SHISA9: variants seen among roughly 807,000 people sequenced by gnomAD.
The protein encoded by SHISA9 is shisa family member 9.
SHISA9 carries 13 observed loss-of-function variants against 38.0 expected under a neutral mutation model. The ratio of observed to expected loss-of-function variants is 0.34; its 90% CI spans 0.22 to 0.54. The LOEUF is 0.54. Among genes scored for constraint, SHISA9 ranks in the 20% least tolerant of loss-of-function variants. SHISA9 has a pLI of 0.91. For synonymous variants in SHISA9, 275 were observed against 242.0 expected, an observed-to-expected ratio of 1.14 and a Z score of -1.27; for missense variants, 538 against 575.8, an observed-to-expected ratio of 0.93 and a Z score of 0.67.
the SHISA9 span, among the ~76,000 whole-genome samples, chr16:13,520,065 A>AGCAAGAGCCATATCT: frequency 7.9e-5 from 12 of 152,192 alleles, no homozygotes; most frequent in African/African-American, 2.9e-4. Context: ...TGAGAACCAC[A>AGCAAGAGCCATATCT]GCAAGAGCCA....
At chr16:13,477,211 G>A in the SHISA9 span, among the ~76,000 whole-genome samples, 50 of 152,242 alleles carry the variant, frequency 3.3e-4, no homozygotes, top group Non-Finnish European at 3.7e-4. Context: ...TTGTCTAGTT[G>A]GAAAATATAA....
chr16:13,018,987 C>T (rs2072789566), intron 2 of SHISA9, among the ~76,000 whole-genome samples: 1 of 152,134 alleles, frequency 6.6e-6, no homozygotes, highest in Admixed American at 6.5e-5. Context: ...CCTTAAGTAA[C>T]AGAAATGTAT....
chr16:13,013,051 A>C (rs1319947114), intron 2 of SHISA9, among the ~76,000 whole-genome samples: 2 of 152,064 alleles, frequency 1.3e-5, no homozygotes, highest in East Asian at 3.9e-4. Context: ...TTCCTTTCTG[A>C]AGCTATTATT....
chr16:13,047,743 G>C (rs533214777), intron 2 of SHISA9, among the ~76,000 whole-genome samples: 14 of 152,100 alleles, frequency 9.2e-5, no homozygotes, highest in African/African-American at 3.1e-4. Flanking sequence ...TATCTCACTC[G>C]AGGCTCACAC....
At chr16:13,051,770 A>AT (rs35696205) in intron 2 of SHISA9, among the ~76,000 whole-genome samples, 15,776 of 145,658 alleles carry the variant, frequency 0.11, 1,889 homozygotes, top group African/African-American at 0.29. Context: ...TAAAATTTAC[A>AT]TTTTTTTTTT....
At chr16:12,989,585 A>G (rs1415152808) in intron 2 of SHISA9, among the ~76,000 whole-genome samples, 1 of 152,042 alleles carries the variant, frequency 6.6e-6, no homozygotes, top group Admixed American at 6.5e-5. Context: ...GGACTGAGCC[A>G]CCACTCCTGG....
chr16:13,414,649 TC>T, the SHISA9 span, among the ~76,000 whole-genome samples: 3 of 148,344 alleles, frequency 2.0e-5, 1 homozygote, highest in Admixed American at 1.4e-4. Flanking sequence ...TTTCTTTCTT[TC>T]TTTTTTTTTT....
chr16:12,926,223 C>T (rs1000813729), intron 2 of SHISA9, among the ~76,000 whole-genome samples: 4 of 152,148 alleles, frequency 2.6e-5, no homozygotes, highest in African/African-American at 9.7e-5. Context: ...TATGACCTTT[C>T]TCATGCCTTT....
intron 2 of SHISA9, among the ~76,000 whole-genome samples, chr16:13,073,222 C>CTTT (rs1245456928): frequency 1.2e-4 from 16 of 137,854 alleles, no homozygotes; most frequent in South Asian, 2.2e-4. Flanking sequence ...CTCTCTCTCT[C>CTTT]TTTTTTTTTT....
At chr16:12,960,251 G>A (rs2071891443) in intron 2 of SHISA9, among the ~76,000 whole-genome samples, 1 of 152,136 alleles carries the variant, frequency 6.6e-6, no homozygotes, top group South Asian at 2.1e-4. Context: ...CGTAGTGCCA[G>A]GTACAGGCAA....
chr16:13,517,830 A>G, the SHISA9 span, among the ~76,000 whole-genome samples: 12 of 152,350 alleles, frequency 7.9e-5, no homozygotes, highest in South Asian at 2.1e-4. Flanking sequence ...TCCTCAACTC[A>G]GATAAACGAG....
the SHISA9 span, among the ~76,000 whole-genome samples, chr16:13,296,170 C>T: frequency 2.0e-5 from 3 of 151,636 alleles, no homozygotes; most frequent in African/African-American, 7.3e-5. Flanking sequence ...CACTATCAAC[C>T]CCACCTCTTC....
chr16:13,081,540 T>G (rs1202256611), intron 2 of SHISA9, among the ~76,000 whole-genome samples: 1 of 147,266 alleles, frequency 6.8e-6, no homozygotes, highest in Non-Finnish European at 1.5e-5. Context: ...TTCAAGGTAT[T>G]TTTTTTTTTT....
rs140635365 is a variant in SHISA9 at position 13,120,150 on chromosome 16, A to G, written c.692-83244A>G. Among the ~76,000 whole-genome samples the G allele has an allele frequency of 6.9e-3, 1,051 of 152,316 alleles. 14 individuals are homozygous for G. Among genetic ancestry groups the G allele is most frequent in the African/African-American group, 0.022 (927 of 41,566 alleles). On this transcript the variant is annotated intron_variant, in intron 2 of 4. Transcript: ENST00000558583. ...TGCAAGTAGCACTGGAAGTGGATTA[A>G]AAGAAGGAAGGGTGCAGATATGCAA... is the stretch of plus-strand genomic sequence containing the variant.
At chr16:13,077,348 C>A (rs1348900883) in intron 2 of SHISA9, among the ~76,000 whole-genome samples, 1 of 151,944 alleles carries the variant, frequency 6.6e-6, no homozygotes. Flanking sequence ...AGCTCAACAC[C>A]CCCACATTGA....
chr16:13,166,056 G>A (rs972909152), intron 2 of SHISA9, among the ~76,000 whole-genome samples: 8 of 152,172 alleles, frequency 5.3e-5, no homozygotes, highest in African/African-American at 1.9e-4. Context: ...GTTAATGCCT[G>A]CTGTTTGCAG....
chr16:13,228,520 A>G (rs2051301069), intron 4 of SHISA9, among the ~76,000 whole-genome samples: 2 of 152,216 alleles, frequency 1.3e-5, no homozygotes, highest in Admixed American at 6.5e-5. Context: ...AGCAGACCTC[A>G]GACTGGTCTG....
intron 1 of SHISA9, chr16:12,908,370 CAA>C (rs2141709937): frequency 6.7e-7 from 1 of 1,491,354 alleles, no homozygotes; most frequent in East Asian, 2.5e-5. Flanking sequence ...AAATACATTG[CAA>C]AGTGTTGGCC....
chr16:13,347,954 TA>T, the SHISA9 span, among the ~76,000 whole-genome samples: 1 of 152,174 alleles, frequency 6.6e-6, no homozygotes, highest in African/African-American at 2.4e-5. Flanking sequence ...CAGCTGACCT[TA>T]AAATAGGGAG....
Sources: allele counts gnomAD v4.1 joint callset (sites outside exome capture counted in the v4.1 genomes callset), GRCh38; gene constraint gnomAD v4.1.1; transcripts MANE v1.5; gene names NCBI Gene and HGNC (gene_info 2026-07-23, HGNC 2026-07-21).